MMP7: variants seen among roughly 807,000 people sequenced by gnomAD.
MMP7 encodes matrilysin.
MMP7 carries 26 observed loss-of-function variants against 31.5 expected under a neutral mutation model. The ratio of observed to expected loss-of-function variants is 0.83; its 90% confidence interval spans 0.61 to 1.15. The LOEUF is 1.15. Among genes scored for constraint, MMP7 ranks in the 50% most tolerant of loss-of-function variants. The pLI, the probability that MMP7 is intolerant of heterozygous loss-of-function variation, is 0.00. For synonymous variants in MMP7, 142 were observed against 124.2 expected (o/e 1.14, Z -0.95); for missense variants, 367 against 326.5 (o/e 1.12, Z -0.96).
Position 102,527,971 on chromosome 11 carries a change from T to C in MMP7, c.121A>G (p.Arg41Gly), listed in dbSNP as rs1858693248. 1 of 1,611,860 alleles carries C rather than the reference T, an allele frequency of 6.2e-7. No homozygotes were observed. Among genetic ancestry groups the C allele is most frequent in the Non-Finnish European group, 8.5e-7 (1 of 1,178,528 alleles). ...GTTTCTGAGTCATAGAGATAAAATC[T>C]CTTGAGATAGTCCTATTGAAAAGAG... Reference protein sequence around the residue: ...QWEQAQDYLKRFYLYDSETKN... With the variant: ...QWEQAQDYLKGFYLYDSETKN... The change falls in exon 2 of 6, where the codon AGA (arginine) becomes GGA (glycine). Residue 41 changes from arginine to glycine, a missense_variant. Physicochemically the swap from Arg to Gly is moderately radical, Grantham distance 125. Coordinates refer to ENST00000260227, the MANE Select transcript of MMP7 (RefSeq NM_002423.5).
intron 4 of MMP7, chr11:102,524,179 G>A (rs1282744330): frequency 1.3e-5 from 2 of 152,164 alleles, no homozygotes; most frequent in Non-Finnish European, 2.9e-5. Context: ...TATGCCAGAT[G>A]CAAATGGGAG....
intron 5 of MMP7, among the ~76,000 whole-genome samples, chr11:102,522,536 A>G (rs1302570923): frequency 6.6e-6 from 1 of 152,248 alleles, no homozygotes; most frequent in East Asian, 1.9e-4. Context: ...AGCACTCGAC[A>G]GTCACATGAC....
At position 102,527,597 on chromosome 11, in the gene MMP7, GC is replaced by G. The variant is rs781386509; in HGVS notation, c.410del (p.Gly137AlafsTer19). 4.2e-5 allele frequency: 67 copies of G among 1,613,976 alleles called. No individual in the cohort carries two copies. The highest frequency in any genetic ancestry group is 5.2e-5 in the Non-Finnish European group (61 of 1,179,996). ...RLVSKALNMW[G>X]KEIPLHFRKV... is the part of the protein sequence containing the mutation. ...TCCTGAAATGCAGGGGGATCTCTTT[GC>G]CCCACATGTTTAAAGCCTTTGACAC... On this transcript the variant is annotated frameshift_variant, in exon 3 of 6. Coordinates refer to ENST00000260227, the MANE Select transcript of MMP7 (RefSeq NM_002423.5). LOFTEE classifies it high-confidence loss of function.
intron 4 of MMP7, 146 bp downstream of exon 4, chr11:102,524,790 G>T: frequency 1.2e-6 from 1 of 833,702 alleles, no homozygotes. Flanking sequence ...TATATTACAT[G>T]AAATAATGCA....
chr11:102,523,190 A>T, intron 5 of MMP7, 50 bp downstream of exon 5: 1 of 1,433,934 alleles, frequency 7.0e-7, no homozygotes, highest in Non-Finnish European at 9.6e-7. Context: ...TTCCTACCCC[A>T]CTCTAAAAAG....
At chr11:102,523,626 T>C (rs1233676073) in intron 4 of MMP7, among the ~76,000 whole-genome samples, 2 of 152,168 alleles carry the variant, frequency 1.3e-5, no homozygotes, top group African/African-American at 4.8e-5. Flanking sequence ...TTATTAAAAA[T>C]GTGTAATTTT....
chr11:102,527,927 T>C lies in MMP7; in HGVS notation c.165A>G (p.Leu55=), dbSNP rs1858692506. Residue 55 remains leucine, a synonymous_variant, in exon 2 of 6, where the codon TTA becomes TTG. Coordinates refer to ENST00000260227, the MANE Select transcript of MMP7 (RefSeq NM_002423.5). The part of the protein sequence containing the change: ...YDSETKNANS[L]EAKLKEMQKF... ...TTTGCATCTCCTTGAGTTTGGCTTC[T>C]AAACTGTTGGCATTTTTTGTTTCTG... 5.6e-6 allele frequency: 9 copies of C among 1,614,156 alleles called. No individual in the cohort carries two copies. Among genetic ancestry groups the C allele is most frequent in the Non-Finnish European group, 7.6e-6 (9 of 1,180,018 alleles).
At chr11:102,526,726 A>G (rs1278534502) in intron 3 of MMP7, among the ~76,000 whole-genome samples, 1 of 152,248 alleles carries the variant, frequency 6.6e-6, no homozygotes, top group Non-Finnish European at 1.5e-5. Flanking sequence ...GTCATGTGCT[A>G]CATAATGATC....
chr11:102,527,947 T>C lies in MMP7; in HGVS notation c.145A>G (p.Thr49Ala), dbSNP rs1267130772. The C allele has an allele frequency of 1.2e-6, 2 of 1,614,050 alleles. No homozygotes were observed. Among genetic ancestry groups the C allele is most frequent in the Non-Finnish European group, 1.7e-6 (2 of 1,180,008 alleles). Residue 49 changes from threonine to alanine, a missense_variant, in exon 2 of 6, where the codon ACA becomes GCA. Physicochemically the swap from Thr to Ala is moderately conservative, Grantham distance 58 (BLOSUM62 0). Transcript: ENST00000260227. The part of the protein sequence containing the change: ...LKRFYLYDSE[T>A]KNANSLEAKL... ...GCTTCTAAACTGTTGGCATTTTTTGTTTCTGAGTCATAGAGATAAAATCTC... is the reference window on the plus strand; with the variant it reads ...GCTTCTAAACTGTTGGCATTTTTTGCTTCTGAGTCATAGAGATAAAATCTC...
intron 4 of MMP7, 27 bp downstream of exon 4, chr11:102,524,909 G>T: frequency 1.9e-6 from 3 of 1,601,286 alleles, no homozygotes; most frequent in Non-Finnish European, 2.6e-6. Flanking sequence ...AACGGATGTG[G>T]AGTAGAAGAG....
At chr11:102,521,432 G>A (rs894817884) in intron 5 of MMP7, among the ~76,000 whole-genome samples, 3 of 152,134 alleles carry the variant, frequency 2.0e-5, no homozygotes, top group Non-Finnish European at 2.9e-5. Context: ...GGCCTCAAGC[G>A]ATCCCCAACC....
chr11:102,525,641 C>G (rs973351447), intron 3 of MMP7, among the ~76,000 whole-genome samples: 1 of 151,966 alleles, frequency 6.6e-6, no homozygotes, highest in Non-Finnish European at 1.5e-5. Context: ...GCAGTTATAT[C>G]TAACTTAAGG....
chr11:102,525,204 G>A (rs535804062), intron 3 of MMP7, 140 bp from the exon 4 acceptor site: 41 of 951,634 alleles, frequency 4.3e-5, no homozygotes, highest in African/African-American at 3.5e-4. Context: ...TTGCGAGGCC[G>A]AGGTGGGCGG....
chr11:102,523,409 C>A lies in MMP7; in HGVS notation c.614-8G>T. The A allele has an allele frequency of 1.3e-6, 2 of 1,568,048 alleles. No homozygotes were observed. Among genetic ancestry groups the A allele is most frequent in the Non-Finnish European group, 1.7e-6 (2 of 1,156,692 alleles). ...CATACAGGAAGTTAATCCCTACAAC[C>A]GAAGAAGTGACAAACAGTAATGATA... On this transcript the variant is annotated splice_polypyrimidine_tract_variant and splice_region_variant and intron_variant, in intron 4 of 5. Transcript: ENST00000260227.
chr11:102,525,319 G>C (rs994664998), intron 3 of MMP7, among the ~76,000 whole-genome samples: 12 of 152,082 alleles, frequency 7.9e-5, no homozygotes, highest in African/African-American at 1.4e-4. Context: ...CCACCAAGTA[G>C]TAATCCCAGC....
At chr11:102,528,911 T>C (rs984061048) in intron 1 of MMP7, among the ~76,000 whole-genome samples, 2 of 152,198 alleles carry the variant, frequency 1.3e-5, no homozygotes, top group African/African-American at 4.8e-5. Flanking sequence ...AACCACTCTA[T>C]GAAACAAGTA....
chr11:102,523,126 G>T (rs1858631187), intron 5 of MMP7, 114 bp downstream of exon 5: 1 of 722,522 alleles, frequency 1.4e-6, no homozygotes, highest in Non-Finnish European at 2.2e-6. Flanking sequence ...TAGGCTTTTT[G>T]ATATGAGTTC....
rs1298741970 is a variant in MMP7, at chr11:102,525,034, G to A, written c.515C>T (p.Pro172Leu). ...AHGDSYPFDG[P>L]GNTLAHAFAP... Reference sequence around the variant, plus strand: ...AAAGGCATGAGCCAGCGTGTTTCCTGGCCCATCAAATGGGTAGGAGTCCCC... The same window carrying A: ...AAAGGCATGAGCCAGCGTGTTTCCTAGCCCATCAAATGGGTAGGAGTCCCC... The change falls in exon 4 of 6, where the codon CCA (proline) becomes CTA (leucine). Residue 172 changes from proline to leucine, a missense_variant. By Grantham distance (98) the Pro-to-Leu change is moderately conservative. Transcript: ENST00000260227. 2 of 1,612,724 alleles carry A rather than the reference G, an allele frequency of 1.2e-6. No homozygotes were observed. Among genetic ancestry groups the A allele is most frequent in the African/African-American group, 2.7e-5 (2 of 74,720 alleles).
Position 102,520,704 on chromosome 11 carries a change from T to C in MMP7, c.*72A>G. ...GCTAAATGGAGTGGAGGAACAGTGC[T>C]TATCAATTCTGATTGTGCAACAATG... is the stretch of plus-strand genomic sequence containing the variant. On this transcript the variant is annotated 3_prime_UTR_variant, in exon 6 of 6. Transcript: ENST00000260227. The C allele has an allele frequency of 7.8e-7, 1 of 1,282,392 alleles. No individual in the cohort carries two copies. The allele number at this position is 1,282,392 out of a possible 1,614,324, so 79.4% of individuals were successfully genotyped here.
Sources: allele counts gnomAD v4.1 joint callset (sites outside exome capture counted in the v4.1 genomes callset), GRCh38; gene constraint gnomAD v4.1.1; transcripts MANE v1.5; gene names NCBI Gene and HGNC (gene_info 2026-07-23, HGNC 2026-07-21).